Variants in SRGAP1 observed in about 807,000 individuals in gnomAD.
SRGAP1 encodes the protein SLIT-ROBO Rho GTPase activating protein 1.
SRGAP1 carries 43 observed loss-of-function variants against 121.9 expected under a neutral mutation model. The observed-to-expected ratio is 0.35, with a 90% CI of 0.28 to 0.46. SRGAP1 has a LOEUF of 0.46. SRGAP1 is among the 20% of genes least tolerant of loss of function. The probability of loss-of-function intolerance (pLI) is 1.00; values close to 1 mark genes in which losing one functional copy is unlikely to be tolerated. For missense variants in SRGAP1, 1,102 were observed against 1,350.9 expected (o/e 0.82, Z 2.89); for synonymous variants, 447 against 485.4 (o/e 0.92, Z 1.04).
chr12:63,954,690 A>AAAAAAAAAAG (rs2032408013), intron 1 of SRGAP1, among the ~76,000 whole-genome samples: 1 of 150,832 alleles, frequency 6.6e-6, no homozygotes, highest in Non-Finnish European at 1.5e-5. Context: ...AAAAAAAAAA[A>AAAAAAAAAAG]AAGAAAAGAA....
At chr12:63,942,269 C>G (rs2031895490) in intron 1 of SRGAP1, among the ~76,000 whole-genome samples, 1 of 152,058 alleles carries the variant, frequency 6.6e-6, no homozygotes, top group Non-Finnish European at 1.5e-5. Flanking sequence ...ACAGAAAGTA[C>G]CTACTTGAGA....
chr12:64,095,257 C>A, intron 14 of SRGAP1, 53 bp downstream of exon 14: 1 of 1,525,220 alleles, frequency 6.6e-7, no homozygotes, highest in South Asian at 1.1e-5. Context: ...TCATCATGTT[C>A]TGTAAACTGA....
chr12:64,042,599 A>T (rs1305507840), intron 4 of SRGAP1, among the ~76,000 whole-genome samples, 191 bp from the exon 5 acceptor site: 1 of 152,122 alleles, frequency 6.6e-6, no homozygotes, highest in African/African-American at 2.4e-5. Flanking sequence ...CTGGCAGATG[A>T]ATTTGCATAT....
chr12:63,970,475 A>G (rs770631125), intron 1 of SRGAP1, among the ~76,000 whole-genome samples: 2 of 152,212 alleles, frequency 1.3e-5, no homozygotes, highest in African/African-American at 4.8e-5. Flanking sequence ...CATTTTCATC[A>G]TAGTATTTCT....
chr12:64,141,413 C>A (rs574460830), intron 21 of SRGAP1, among the ~76,000 whole-genome samples: 2 of 151,924 alleles, frequency 1.3e-5, no homozygotes, highest in South Asian at 4.2e-4. Context: ...AACCCCGTCT[C>A]TAGTAAAAAT....
At chr12:64,040,019 T>C (rs2034983304) in intron 4 of SRGAP1, among the ~76,000 whole-genome samples, 1 of 152,162 alleles carries the variant, frequency 6.6e-6, no homozygotes, top group Non-Finnish European at 1.5e-5. Context: ...GTAATGCCTT[T>C]AACATGATTT....
At chr12:63,969,735 A>C (rs1047673751) in intron 1 of SRGAP1, among the ~76,000 whole-genome samples, 1 of 151,934 alleles carries the variant, frequency 6.6e-6, no homozygotes, top group Non-Finnish European at 1.5e-5. Context: ...CAGAGCTTGC[A>C]GTGAACCGAG....
In SRGAP1 at chr12:63,883,005, G is replaced by T. The variant is rs180920838; in HGVS notation, c.67+38122G>T. On this transcript the variant is annotated intron_variant, in intron 1 of 21. Transcript: ENST00000355086. The stretch of plus-strand genomic sequence containing the variant: ...AGGAGATATCCAGTTACAGCTCAGG[G>T]CAGGGGCAGATCTGGTTCATCATGT... Among the ~76,000 whole-genome samples the T allele has an allele frequency of 1.4e-3, 216 of 152,320 alleles. 1 individual carries two copies. Among genetic ancestry groups the T allele is most frequent in the African/African-American group, 5.0e-3 (209 of 41,572 alleles).
rs534216916 is a variant in SRGAP1 at position 63,900,427 on chromosome 12, A to G, written c.67+55544A>G. ...TCACTGTGTTAGCCAGATAGTATCAATCTCCTGTCCTTGTGGTCCACCCGC... is the reference window on the plus strand; with the variant it reads ...TCACTGTGTTAGCCAGATAGTATCAGTCTCCTGTCCTTGTGGTCCACCCGC... On this transcript the variant is annotated intron_variant, in intron 1 of 21. Transcript: ENST00000355086. Among the ~76,000 whole-genome samples, 3 of 150,964 alleles carry G rather than the reference A, an allele frequency of 2.0e-5. No homozygotes were observed. The South Asian group carries it at 6.3e-4, about 31-fold the overall frequency.
chr12:63,851,315 A>C (rs2136253837), intron 1 of SRGAP1, among the ~76,000 whole-genome samples: 1 of 152,172 alleles, frequency 6.6e-6, no homozygotes, highest in African/African-American at 2.4e-5. Flanking sequence ...ACTCTGGGCC[A>C]AGCACGGTGG....
intron 1 of SRGAP1, among the ~76,000 whole-genome samples, chr12:63,969,967 C>T (rs2032896823): frequency 6.6e-6 from 1 of 152,080 alleles, no homozygotes. Flanking sequence ...GCTGCCTTTC[C>T]TCACATGTCC....
rs2037208954 is a variant in SRGAP1 at position 64,161,495 on chromosome 12, T to C, written c.*18823T>C. On this transcript the variant is annotated 3_prime_UTR_variant, in exon 22 of 22. Coordinates refer to ENST00000355086, the MANE Select transcript of SRGAP1 (RefSeq NM_020762.4). The stretch of plus-strand genomic sequence containing the variant: ...ATGCTTTTAATTTCCAAAAGCTCTT[T>C]TTGTGAGCTGGCTGTTCATTTTTTT... 1 of 152,212 alleles carries C rather than the reference T, an allele frequency of 6.6e-6. No individual in the cohort carries two copies. Among genetic ancestry groups the C allele is most frequent in the Non-Finnish European group, 1.5e-5 (1 of 68,034 alleles). 9.4% of individuals were successfully genotyped at this position (152,212 alleles called of 1,614,324 possible). A position where few individuals can be genotyped will look rare whatever the true frequency, so the allele number is the denominator to read the frequency against.
chr12:64,092,308 C>T (rs1333188507), intron 12 of SRGAP1, among the ~76,000 whole-genome samples: 2 of 152,098 alleles, frequency 1.3e-5, no homozygotes, highest in Non-Finnish European at 2.9e-5. Context: ...GCATGGGCTG[C>T]GGTGTTTCTG....
chr12:64,091,355 G>T lies in SRGAP1; in HGVS notation c.1516G>T (p.Gly506Trp). 2 of 1,607,556 alleles carry T rather than the reference G, an allele frequency of 1.2e-6. No individual in the cohort carries two copies. The highest frequency in any genetic ancestry group is 1.1e-5 in the South Asian group (1 of 89,626). Residue 506 changes from glycine to tryptophan, a missense_variant, in exon 12 of 22, where the codon GGG becomes TGG. By Grantham distance (184) the Gly-to-Trp change is radical. This residue lies in a region of SRGAP1 where 747 missense variants were observed against 929.4 expected (regional missense o/e 0.80). Transcript: ENST00000355086. ...RSQYNTKLFN[G>W]DLETFVKDSG... ...ACAGTATAATACTAAGTTGTTTAAT[G>T]GGGATTTGGAAACATTCGTCAAGGT...
chr12:64,060,275 T>G lies in SRGAP1; in HGVS notation c.802-2642T>G, dbSNP rs1177188680. Reference sequence around the variant, plus strand: ...CAGGCTAGAGTGCAGTGGTACAATCTCAGCTTACTGCAGCCTCTACCTCCC... The same window carrying G: ...CAGGCTAGAGTGCAGTGGTACAATCGCAGCTTACTGCAGCCTCTACCTCCC... On this transcript the variant is annotated intron_variant, in intron 6 of 21. Coordinates refer to ENST00000355086, the MANE Select transcript of SRGAP1 (RefSeq NM_020762.4). Among the ~76,000 whole-genome samples, 5 of 149,118 alleles carry G rather than the reference T, an allele frequency of 3.4e-5. No homozygotes were observed. The Admixed American group carries it at 3.4e-4, about 10-fold the overall frequency.
rs534473744 is a variant in SRGAP1 at position 64,026,241 on chromosome 12, C to G, written c.489+9229C>G. On this transcript the variant is annotated intron_variant, in intron 4 of 21. Coordinates refer to ENST00000355086, the MANE Select transcript of SRGAP1 (RefSeq NM_020762.4). Reference sequence around the variant, plus strand: ...AGTGTTTTGTCCAAATTACTACATTCTGAAATACAGTATTATAATTTTTAA... The same window carrying G: ...AGTGTTTTGTCCAAATTACTACATTGTGAAATACAGTATTATAATTTTTAA... Among the ~76,000 whole-genome samples, 308 of 152,198 alleles carry G rather than the reference C, an allele frequency of 2.0e-3. 3 individuals are homozygous for G. Among genetic ancestry groups the G allele is most frequent in the African/African-American group, 7.0e-3 (291 of 41,528 alleles).
intron 1 of SRGAP1, among the ~76,000 whole-genome samples, chr12:63,897,506 G>A (rs765585654): frequency 2.6e-5 from 4 of 152,112 alleles, no homozygotes; most frequent in Non-Finnish European, 5.9e-5. Context: ...TTTGTGTATA[G>A]TCTATGGAAA....
At chr12:64,028,699 G>A (rs1369473336) in intron 4 of SRGAP1, among the ~76,000 whole-genome samples, 1 of 152,124 alleles carries the variant, frequency 6.6e-6, no homozygotes, top group African/African-American at 2.4e-5. Context: ...TCTCTCTCAC[G>A]CCTCTTTTGT....
intron 1 of SRGAP1, among the ~76,000 whole-genome samples, chr12:63,914,950 G>A (rs1315801302): frequency 6.6e-6 from 1 of 152,018 alleles, no homozygotes; most frequent in African/African-American, 2.4e-5. Flanking sequence ...TTTGAATATT[G>A]TATTTTAGCT....
Sources: gnomAD v4.1 joint callset for allele counts (sites outside exome capture counted in the v4.1 genomes callset) on GRCh38, gnomAD v4.1.1 for gene constraint, gnomAD v4.1.1 regional missense constraint, MANE v1.5 for transcripts, NCBI Gene and HGNC (gene_info 2026-07-23, HGNC 2026-07-21) for gene names.